The following EFHD1 variants were observed in gnomAD, a reference collection of about 807,000 sequenced individuals.
EFHD1 encodes the protein EF-hand domain-containing protein D1.
Under a neutral mutation model 17.2 loss-of-function variants are expected in EFHD1, and 10 were observed. The observed-to-expected ratio is 0.58, with a 90% CI of 0.36 to 0.99. EFHD1 has a LOEUF of 0.99. EFHD1 is among the 50% of genes least tolerant of loss of function. EFHD1 has a pLI of 0.01. For missense variants in EFHD1, 310 were observed against 327.5 expected, an observed-to-expected ratio of 0.95 and a Z score of 0.41; for synonymous variants, 153 against 142.0, an observed-to-expected ratio of 1.08 and a Z score of -0.55.
intron 1 of EFHD1, among the ~76,000 whole-genome samples, chr2:232,613,488 A>G (rs988353155): frequency 6.6e-6 from 1 of 152,094 alleles, no homozygotes; most frequent in Admixed American, 6.6e-5. Context: ...CAGCAGCTTT[A>G]CTAGTAACAG....
intron 2 of EFHD1, among the ~76,000 whole-genome samples, chr2:232,668,253 C>T (rs1317344822): frequency 6.6e-6 from 1 of 152,240 alleles, no homozygotes; most frequent in African/African-American, 2.4e-5. Flanking sequence ...ATGGAAATGT[C>T]TGGCATGCTT....
intron 1 of EFHD1, among the ~76,000 whole-genome samples, chr2:232,659,800 G>A (rs181441451): frequency 9.2e-5 from 14 of 152,284 alleles, no homozygotes; most frequent in Admixed American, 3.3e-4. Context: ...AGGCTGTACC[G>A]GAAGCATGGC....
chr2:232,614,702 G>C (rs1177897649), intron 1 of EFHD1, among the ~76,000 whole-genome samples: 1 of 152,162 alleles, frequency 6.6e-6, no homozygotes. Context: ...TTGGCCAGGC[G>C]CAGTGGCTAA....
intron 1 of EFHD1, chr2:232,606,288 C>G: frequency 7.9e-7 from 1 of 1,271,132 alleles, no homozygotes; most frequent in Non-Finnish European, 1.1e-6. Flanking sequence ...CTTTCGCCAC[C>G]GGAGGGCACT....
chr2:232,649,077 A>G (rs1337746263), intron 1 of EFHD1, among the ~76,000 whole-genome samples: 2 of 152,142 alleles, frequency 1.3e-5, no homozygotes, highest in Non-Finnish European at 2.9e-5. Context: ...CTGGGAGGGA[A>G]GTTAGAAAAC....
chr2:232,628,825 TG>T (rs200691833), upstream of EFHD1, among the ~76,000 whole-genome samples: 346 of 152,332 alleles, frequency 2.3e-3, no homozygotes, highest in African/African-American at 7.6e-3. Flanking sequence ...CCCTCCCCTT[TG>T]TCACTGGCTT....
At chr2:232,650,956 A>G (rs1694642269) in intron 1 of EFHD1, among the ~76,000 whole-genome samples, 1 of 152,240 alleles carries the variant, frequency 6.6e-6, no homozygotes, top group South Asian at 2.1e-4. Context: ...ATGTTGGCAG[A>G]GAAGGAGCTG....
At chr2:232,627,028 CTCTCTCTCTATATA>C (rs1694112667) in intron 1 of EFHD1, among the ~76,000 whole-genome samples, 1 of 59,442 alleles carries the variant, frequency 1.7e-5, no homozygotes, top group Non-Finnish European at 3.2e-5. Context: ...CTCTCTCTCT[CTCTCTCTCTATATA>C]TATATATATA....
chr2:232,663,039 C>A, intron 2 of EFHD1, 90 bp downstream of exon 2: 1 of 1,404,270 alleles, frequency 7.1e-7, no homozygotes, highest in Non-Finnish European at 9.3e-7. Flanking sequence ...ATGGGTTTGG[C>A]CTCTCCAGAG....
At chr2:232,681,418 C>A (rs754538000) in intron 3 of EFHD1, among the ~76,000 whole-genome samples, 167 bp from the exon 4 acceptor site, 2 of 152,234 alleles carry the variant, frequency 1.3e-5, no homozygotes, top group African/African-American at 2.4e-5. Context: ...CAGAAAGCAA[C>A]TTCTGAAGGC....
chr2:232,618,447 G>A (rs1371704426), intron 1 of EFHD1, among the ~76,000 whole-genome samples: 2 of 152,190 alleles, frequency 1.3e-5, no homozygotes, highest in African/African-American at 4.8e-5. Flanking sequence ...ATGCAGCTGG[G>A]TGTGGTGGCG....
chr2:232,656,526 C>G (rs957599053), intron 1 of EFHD1, among the ~76,000 whole-genome samples: 4 of 151,804 alleles, frequency 2.6e-5, no homozygotes, highest in African/African-American at 9.7e-5. Context: ...CCTCGACCTC[C>G]CAGGCTTGAA....
At chr2:232,640,931 A>G (rs1222439955) in intron 1 of EFHD1, among the ~76,000 whole-genome samples, 3 of 152,114 alleles carry the variant, frequency 2.0e-5, no homozygotes, top group Non-Finnish European at 4.4e-5. Flanking sequence ...TGAGAACTTG[A>G]TCTCAGTGGT....
At chr2:232,628,129 C>T (rs1198251864) in intron 1 of EFHD1, among the ~76,000 whole-genome samples, 2 of 152,154 alleles carry the variant, frequency 1.3e-5, no homozygotes, top group Non-Finnish European at 2.9e-5. Context: ...GACGTGATCT[C>T]GGCTTACTGC....
chr2:232,657,500 G>C (rs1227956970), intron 1 of EFHD1, among the ~76,000 whole-genome samples: 1 of 152,126 alleles, frequency 6.6e-6, no homozygotes, highest in Non-Finnish European at 1.5e-5. Flanking sequence ...TGGTGACTGT[G>C]AATAATGCTG....
chr2:232,653,677 G>T (rs1019185398), intron 1 of EFHD1, among the ~76,000 whole-genome samples: 1 of 152,190 alleles, frequency 6.6e-6, no homozygotes, highest in African/African-American at 2.4e-5. Context: ...AGCCCTGACT[G>T]AGCAGCTGGG....
chr2:232,645,081 C>G (rs7604500), intron 1 of EFHD1, among the ~76,000 whole-genome samples: 97,688 of 151,508 alleles, frequency 0.64, 32,599 homozygotes, highest in African/African-American at 0.81. Context: ...ATGCTGGCCT[C>G]CTGTTATTTT....
At chr2:232,652,686 G>T (rs1434089175) in intron 1 of EFHD1, among the ~76,000 whole-genome samples, 3 of 152,100 alleles carry the variant, frequency 2.0e-5, no homozygotes, top group Non-Finnish European at 4.4e-5. Flanking sequence ...CTCGTGAACT[G>T]CAAAGCCGAC....
At chr2:232,606,143 C>T (rs1157564478) in exon 1 of EFHD1, 2 of 1,550,184 alleles carry the variant, frequency 1.3e-6, no homozygotes, top group Non-Finnish European at 1.7e-6. Context: ...GTAACGCTGA[C>T]AGTCCCCAGA....
Sources: gnomAD v4.1 joint callset for allele counts (sites outside exome capture counted in the v4.1 genomes callset) on GRCh38, gnomAD v4.1.1 for gene constraint, MANE v1.5 for transcripts, NCBI Gene and HGNC (gene_info 2026-07-23, HGNC 2026-07-21) for gene names.